SCRIB: variants seen among roughly 807,000 people sequenced by gnomAD.
SCRIB encodes scribble planar cell polarity protein.
Under a neutral mutation model 170.0 loss-of-function variants are expected in SCRIB, and 72 were observed. The ratio of observed to expected loss-of-function variants is 0.42; its 90% CI spans 0.35 to 0.52. The LOEUF (loss-of-function observed/expected upper bound fraction) is 0.52, where lower values mean the gene tolerates loss of function less well. Among genes scored for constraint, SCRIB ranks in the 20% least tolerant of loss-of-function variants. SCRIB has a pLI of 0.02. For synonymous variants in SCRIB, 1,298 were observed against 1,044.3 expected (o/e 1.24, Z -4.68); for missense variants, 2,475 against 2,338.5 (o/e 1.06, Z -1.20).
chr8:143,805,457 C>T (rs782037704), intron 18 of SCRIB, 22 bp from the exon 19 acceptor site: 25 of 1,460,442 alleles, frequency 1.7e-5, no homozygotes, highest in East Asian at 5.1e-5. Context: ...GGACCACGTG[C>T]GTATTCAGGA....
Position 143,791,198 on chromosome 8 carries a change from G to A in SCRIB, c.4933C>T (p.Pro1645Ser). 6.9e-7 allele frequency: 1 copy of A among 1,444,960 alleles called. No homozygotes were observed. The highest frequency in any genetic ancestry group is 9.1e-7 in the Non-Finnish European group (1 of 1,097,010). 89.5% of individuals were successfully genotyped at this position (1,444,960 alleles called of 1,614,324 possible). A position where few individuals can be genotyped will look rare whatever the true frequency, so the allele number is the denominator to read the frequency against. Residue 1645 changes from proline (P) to serine (S), a missense_variant, in exon 37 of 37, where the codon CCT becomes TCT. Around this residue, in one of 3 missense-constraint regions of SCRIB, gnomAD observed 22 missense variants for 37.5 expected, o/e 0.59. Transcript: ENST00000356994. ...ALCSSRRPVR[P>S]GRRGLGPVPS The stretch of plus-strand genomic sequence containing the variant: ...ACAGGGCCCAGGCCACGGCGCCCAG[G>A]CCTTACGGGGCGGCGGCTGCTGCAC...
intron 16 of SCRIB, 89 bp downstream of exon 16, chr8:143,807,463 G>T: frequency 9.4e-7 from 1 of 1,067,774 alleles, no homozygotes; most frequent in Non-Finnish European, 1.5e-6. Flanking sequence ...CTGCGCTCAA[G>T]CAACAGGGGC....
chr8:143,800,051 C>T (rs1236164833), intron 24 of SCRIB, among the ~76,000 whole-genome samples: 1 of 122,672 alleles, frequency 8.2e-6, no homozygotes, highest in African/African-American at 3.1e-5. Flanking sequence ...CCCACCCATG[C>T]TCTGGAGTCA....
At chr8:143,810,350 T>C (rs1476500173) in intron 13 of SCRIB, 129 bp downstream of exon 13, 10 of 1,366,382 alleles carry the variant, frequency 7.3e-6, no homozygotes, top group Non-Finnish European at 1.0e-5. Context: ...CCCTGAAACC[T>C]GTCACCAGCC....
Position 143,810,819 on chromosome 8 carries a change from G to A in SCRIB, c.1274-3C>T. 1 of 1,601,610 alleles carries A rather than the reference G, an allele frequency of 6.2e-7. No individual in the cohort carries two copies. Among genetic ancestry groups the A allele is most frequent in the Non-Finnish European group, 8.5e-7 (1 of 1,176,570 alleles). On this transcript the variant is annotated splice_polypyrimidine_tract_variant and splice_region_variant and intron_variant, in intron 11 of 36. Transcript: ENST00000356994. ...GCTCCCCTGCTGCCCAGCATCCTCTGCAGCAGGTGAGCGTCAGGACCCAGG... is the reference window on the plus strand; with the variant it reads ...GCTCCCCTGCTGCCCAGCATCCTCTACAGCAGGTGAGCGTCAGGACCCAGG...
chr8:143,811,883 G>A (rs1158370855), intron 9 of SCRIB, among the ~76,000 whole-genome samples: 2 of 152,182 alleles, frequency 1.3e-5, no homozygotes, highest in Non-Finnish European at 2.9e-5. Context: ...CCGAACCGTG[G>A]CCTGGTGCCT....
chr8:143,792,649 G>A lies in SCRIB; in HGVS notation c.4178-14C>T, dbSNP rs782722877. The A allele has an allele frequency of 1.1e-5, 18 of 1,592,450 alleles. No individual in the cohort carries two copies. Among genetic ancestry groups the A allele is most frequent in the Middle Eastern group, 1.6e-4 (1 of 6,068 alleles). On this transcript the variant is annotated splice_polypyrimidine_tract_variant and intron_variant, in intron 30 of 36. Transcript: ENST00000356994. Reference sequence around the variant, plus strand: ...GTAGTTTTCTGGCTGCCGGAGGGCAGGGTGGGTCAGGCCAGACCAGCCGAG... The same window carrying A: ...GTAGTTTTCTGGCTGCCGGAGGGCAAGGTGGGTCAGGCCAGACCAGCCGAG...
chr8:143,812,171 C>A, intron 9 of SCRIB, 95 bp downstream of exon 9: 3 of 859,470 alleles, frequency 3.5e-6, no homozygotes, highest in Non-Finnish European at 6.1e-6. Context: ...CAGGCTGCCA[C>A]CAGCACCCCC....
chr8:143,791,092 A>AGACTT lies in SCRIB; in HGVS notation c.*66_*70dup. The AGACTT allele has an allele frequency of 1.5e-6, 2 of 1,350,594 alleles. No individual in the cohort carries two copies. Among genetic ancestry groups the AGACTT allele is most frequent in the South Asian group, 2.1e-5 (1 of 47,430 alleles). 83.7% of individuals were successfully genotyped at this position (1,350,594 alleles called of 1,614,324 possible). On this transcript the variant is annotated 3_prime_UTR_variant, in exon 37 of 37. Coordinates refer to ENST00000356994, the MANE Select transcript of SCRIB (RefSeq NM_182706.5). ...TTAAAATGCTAACACCCAGGTTAAAAGACTTGGGGCAAGGGTGGTGCTGGA... is the reference window on the plus strand; with the variant it reads ...TTAAAATGCTAACACCCAGGTTAAAAGACTTGACTTGGGGCAAGGGTGGTGCTGGA...
Position 143,811,468 on chromosome 8 carries a change from C to T in SCRIB, c.907-123G>A, listed in dbSNP as rs951150455. On this transcript the variant is annotated intron_variant, in intron 9 of 36. Coordinates refer to ENST00000356994, the MANE Select transcript of SCRIB (RefSeq NM_182706.5). Reference sequence around the variant, plus strand: ...CTCCAGCCAGGGTCCCTCACAGCCCCTGGAGACCGGGACAAGGACCTGACC... The same window carrying T: ...CTCCAGCCAGGGTCCCTCACAGCCCTTGGAGACCGGGACAAGGACCTGACC... 2.4e-5 allele frequency: 20 copies of T among 828,330 alleles called. No homozygotes were observed. The South Asian group carries it at 3.3e-4, about 14-fold the overall frequency. The allele number at this position is 828,330 out of a possible 1,614,324, so 51.3% of individuals were successfully genotyped here.
chr8:143,814,148 G>A (rs1815900455), intron 1 of SCRIB, 30 bp from the exon 2 acceptor site: 2 of 1,517,376 alleles, frequency 1.3e-6, no homozygotes, highest in Non-Finnish European at 1.8e-6. Flanking sequence ...GGACTCTGTG[G>A]CAGAGACCAC....
intron 24 of SCRIB, among the ~76,000 whole-genome samples, chr8:143,801,960 G>A (rs1815191198): frequency 2.0e-5 from 3 of 152,220 alleles, no homozygotes; most frequent in African/African-American, 4.8e-5. Context: ...AGCGCGGCAC[G>A]CCGGCTGCAG....
chr8:143,794,073 C>T (rs1587508299), intron 27 of SCRIB, 111 bp from the exon 28 acceptor site: 1 of 963,360 alleles, frequency 1.0e-6, no homozygotes, highest in Non-Finnish European at 1.6e-6. Flanking sequence ...TCTTCAGTTC[C>T]CCAACCTGAC....
chr8:143,803,469 C>T lies in SCRIB; in HGVS notation c.3517G>A (p.Ala1173Thr). The T allele has an allele frequency of 6.3e-7, 1 of 1,599,388 alleles. No homozygotes were observed. The highest frequency in any genetic ancestry group is 1.1e-5 in the South Asian group (1 of 90,694). ...CCCACACTGCGGAGCAGCTGCACCG[C>T]CTCGCCGTGCGTCAGGCCCAGCAGG... ...QSLLGLTHGEAVQLLRSVGDT... is the reference protein window; with the variant it reads ...QSLLGLTHGETVQLLRSVGDT... The change falls in exon 24 of 37, where the codon GCG becomes ACG. Residue 1173 changes from alanine (A) to threonine (T), a missense_variant. This residue lies in a region of SCRIB where 1,966 missense variants were observed against 1,742.9 expected (regional missense o/e 1.13). Coordinates refer to ENST00000356994, the MANE Select transcript of SCRIB (RefSeq NM_182706.5).
At chr8:143,794,033 C>T in intron 27 of SCRIB, 71 bp from the exon 28 acceptor site, 1 of 1,485,038 alleles carries the variant, frequency 6.7e-7, no homozygotes, top group Non-Finnish European at 9.3e-7. Flanking sequence ...GGACTGGGGG[C>T]CCTGGGGCTT....
At chr8:143,807,530 G>T (rs1554636906) in intron 16 of SCRIB, 22 bp downstream of exon 16, 16 of 1,605,650 alleles carry the variant, frequency 1.0e-5, no homozygotes, top group African/African-American at 1.3e-5. Context: ...CCCGGCCAGA[G>T]TGCAGAGCGA....
chr8:143,792,556 G>T lies in SCRIB; in HGVS notation c.4257C>A (p.Asp1419Glu). 3.2e-6 allele frequency: 5 copies of T among 1,566,280 alleles called. No individual in the cohort carries two copies. The highest frequency in any genetic ancestry group is 4.3e-6 in the Non-Finnish European group (5 of 1,163,746). The stretch of plus-strand genomic sequence containing the variant: ...GTTCCTCCTCGCCCAGCGTCTCCCC[G>T]TCCAGGGCGAGCCTCGCTTCGGCCC... Reference protein sequence around the residue: ...EAGAEARLALDGETLGEEEQE... With the variant: ...EAGAEARLALEGETLGEEEQE... Residue 1419 changes from aspartate to glutamate, a missense_variant, in exon 31 of 37, where the codon GAC becomes GAA. This residue lies in a region of SCRIB where 1,966 missense variants were observed against 1,742.9 expected (regional missense o/e 1.13). Coordinates refer to ENST00000356994, the MANE Select transcript of SCRIB (RefSeq NM_182706.5).
At chr8:143,804,912 G>GCGGGGCCCCATCCC in intron 20 of SCRIB, 22 bp downstream of exon 20, 1 of 531,868 alleles carries the variant, frequency 1.9e-6, no homozygotes, top group African/African-American at 2.0e-5. Context: ...GGTGGGTGGG[G>GCGGGGCCCCATCCC]CGGGGCCCCA....
At chr8:143,805,959 C>T (rs1293982096) in intron 18 of SCRIB, among the ~76,000 whole-genome samples, 1 of 152,164 alleles carries the variant, frequency 6.6e-6, no homozygotes, top group Non-Finnish European at 1.5e-5. Context: ...TCTTCAGAGC[C>T]CCCGGATGCC....
Sources: allele counts gnomAD v4.1 joint callset (sites outside exome capture counted in the v4.1 genomes callset), GRCh38; gene constraint gnomAD v4.1.1; regional missense constraint gnomAD v4.1.1; transcripts MANE v1.5; gene names NCBI Gene and HGNC (gene_info 2026-07-23, HGNC 2026-07-21).